Variants in TSPAN7 observed in about 807,000 individuals in gnomAD.
TSPAN7 encodes the protein tetraspanin 7, also known as tetraspanin-7.
A neutral mutation model predicts 17.6 loss-of-function variants in TSPAN7; 1 was observed. The ratio of observed to expected loss-of-function variants is 0.06; its 90% CI spans 0.02 to 0.27. The LOEUF (loss-of-function observed/expected upper bound fraction) is 0.27, where lower values mean the gene tolerates loss of function less well. Ranked by LOEUF, TSPAN7 falls within the 10% of genes least tolerant of loss-of-function variation. TSPAN7 has a pLI of 1.00. For synonymous variants in TSPAN7, 78 were observed against 79.0 expected (o/e 0.99, Z 0.07); for missense variants, 112 against 201.7 (o/e 0.56, Z 2.69).
intron 1 of TSPAN7, among the ~76,000 whole-genome samples, chrX:38,611,551 T>C (rs974773419): frequency 4.5e-5 from 5 of 111,549 alleles, no homozygotes; most frequent in Non-Finnish European, 9.4e-5. Flanking sequence ...CAGAGGGTCT[T>C]GTTTCTGTTT....
At chrX:38,578,895 T>A (rs1447118946) in intron 1 of TSPAN7, among the ~76,000 whole-genome samples, 2 of 111,434 alleles carry the variant, frequency 1.8e-5, no homozygotes, top group Non-Finnish European at 3.8e-5. Context: ...ATATGTATTA[T>A]GTACATATAT....
chrX:38,646,837 C>T (rs2069648174), intron 1 of TSPAN7, among the ~76,000 whole-genome samples: 1 of 112,149 alleles, frequency 8.9e-6, no homozygotes, highest in African/African-American at 3.2e-5. Context: ...ACTTCTGGGA[C>T]ATTTGTGTCT....
chrX:38,660,496 T>TA (rs1404523013), intron 1 of TSPAN7, among the ~76,000 whole-genome samples: 1 of 112,201 alleles, frequency 8.9e-6, no homozygotes, highest in African/African-American at 3.2e-5. Flanking sequence ...CTTTTCCTCT[T>TA]AAAACCTAAC....
chrX:38,591,184 A>G (rs759512183), intron 1 of TSPAN7, among the ~76,000 whole-genome samples: 2 of 109,849 alleles, frequency 1.8e-5, no homozygotes, highest in South Asian at 7.8e-4. Context: ...ATTTTTCCCT[A>G]AGTACTGTTT....
intron 1 of TSPAN7, among the ~76,000 whole-genome samples, chrX:38,633,165 A>G (rs1009179950): frequency 2.7e-5 from 3 of 112,712 alleles, no homozygotes; most frequent in Non-Finnish European, 5.6e-5. Context: ...ATATTTAAAG[A>G]TATCCATAAT....
chrX:38,638,631 C>T (rs1463493555), intron 1 of TSPAN7, among the ~76,000 whole-genome samples: 2 of 111,461 alleles, frequency 1.8e-5, no homozygotes, highest in Admixed American at 9.5e-5. Context: ...CCAGCTCCTG[C>T]TCTGCAAAGC....
rs1215746078 is a variant in TSPAN7, at chrX:38,675,693, C to G, written c.442-12C>G. The G allele has an allele frequency of 8.3e-7, 1 of 1,209,155 alleles. No homozygotes were observed. Among genetic ancestry groups the G allele is most frequent in the African/African-American group, 1.8e-5 (1 of 56,939 alleles). On this transcript the variant is annotated splice_polypyrimidine_tract_variant and intron_variant, in intron 4 of 7. Transcript: ENST00000378482. ...TGCCATTTTTTTATTCTTTTCCTTT[C>G]CCTGTTAATAGCTGAGCTGCTGTGG... is the stretch of plus-strand genomic sequence containing the variant.
chrX:38,648,410 T>G (rs769145175), intron 1 of TSPAN7, among the ~76,000 whole-genome samples: 2 of 112,115 alleles, frequency 1.8e-5, no homozygotes, highest in Non-Finnish European at 3.8e-5. Flanking sequence ...GGACAGTCAC[T>G]TTTAGGATTT....
chrX:38,590,911 G>A (rs1345635929), intron 1 of TSPAN7, among the ~76,000 whole-genome samples: 1 of 111,392 alleles, frequency 9.0e-6, no homozygotes, highest in Non-Finnish European at 1.9e-5. Flanking sequence ...GGTAATTCAT[G>A]TCTTCCCTCT....
intron 1 of TSPAN7, among the ~76,000 whole-genome samples, chrX:38,577,537 C>T (rs1247125819): frequency 9.3e-6 from 1 of 107,345 alleles, no homozygotes; most frequent in African/African-American, 3.4e-5. Flanking sequence ...AGCTGGAAAC[C>T]ATCATTCTCA....
intron 1 of TSPAN7, among the ~76,000 whole-genome samples, chrX:38,657,266 A>G (rs2069710144): frequency 8.9e-6 from 1 of 111,895 alleles, no homozygotes. Context: ...CAAGTAGTAA[A>G]AGGCTCTCTT....
At chrX:38,637,042 C>G (rs749146611) in intron 1 of TSPAN7, among the ~76,000 whole-genome samples, 22 of 111,967 alleles carry the variant, frequency 2.0e-4, no homozygotes, top group African/African-American at 7.1e-4. Flanking sequence ...TGTTACAAAG[C>G]ACACGACTAT....
At chrX:38,646,329 G>T in intron 1 of TSPAN7, 9 of 1,148,849 alleles carry the variant, frequency 7.8e-6, no homozygotes, top group Non-Finnish European at 9.2e-6. Flanking sequence ...AAATTTTGTT[G>T]CAGGGTTGGC....
At chrX:38,615,224 A>G (rs1038341763) in intron 1 of TSPAN7, among the ~76,000 whole-genome samples, 1 of 111,841 alleles carries the variant, frequency 8.9e-6, no homozygotes, top group Non-Finnish European at 1.9e-5. Flanking sequence ...CTTTCTAAGC[A>G]TGGCTGCTTA....
chrX:38,566,075 G>A (rs971553120), intron 1 of TSPAN7, among the ~76,000 whole-genome samples: 6 of 112,116 alleles, frequency 5.4e-5, no homozygotes, highest in Admixed American at 1.9e-4. Context: ...AAAATGGAGC[G>A]TTATGCAAAA....
intron 1 of TSPAN7, among the ~76,000 whole-genome samples, chrX:38,564,823 G>T (rs887222534): frequency 4.5e-5 from 5 of 111,387 alleles, no homozygotes; most frequent in Non-Finnish European, 5.7e-5. Flanking sequence ...AAGATGTGGG[G>T]TTTTTTTATA....
chrX:38,670,488 G>A (rs1450278994), intron 2 of TSPAN7, among the ~76,000 whole-genome samples: 2 of 112,308 alleles, frequency 1.8e-5, no homozygotes, highest in African/African-American at 3.2e-5. Flanking sequence ...AATGTCATTA[G>A]TAGTATAGTG....
At chrX:38,618,851 G>A (rs1251547763) in intron 1 of TSPAN7, among the ~76,000 whole-genome samples, 1 of 111,365 alleles carries the variant, frequency 9.0e-6, no homozygotes, top group African/African-American at 3.3e-5. Flanking sequence ...GTGGTAGGTG[G>A]TAGGTGGGGA....
intron 1 of TSPAN7, among the ~76,000 whole-genome samples, chrX:38,596,483 T>C (rs2147408547): frequency 8.9e-6 from 1 of 111,944 alleles, no homozygotes; most frequent in South Asian, 3.7e-4. Flanking sequence ...TTTTAGTATC[T>C]AATATATAAC....
Sources: allele counts gnomAD v4.1 joint callset (sites outside exome capture counted in the v4.1 genomes callset), GRCh38; gene constraint gnomAD v4.1.1; transcripts MANE v1.5; gene names NCBI Gene and HGNC (gene_info 2026-07-23, HGNC 2026-07-21).